Variants in PRKG1 observed in about 807,000 individuals in gnomAD.
The protein encoded by PRKG1 is cGMP-dependent protein kinase 1.
A neutral mutation model predicts 88.1 loss-of-function variants in PRKG1; 35 were observed. The ratio of observed to expected loss-of-function variants is 0.40; its 90% CI spans 0.30 to 0.53. The LOEUF is 0.53. Ranked by LOEUF, PRKG1 falls within the 20% of genes least tolerant of loss-of-function variation. The pLI is 0.59. For missense variants in PRKG1, 540 were observed against 839.8 expected, an observed-to-expected ratio of 0.64 and a Z score of 4.41; for synonymous variants, 303 against 292.5, an observed-to-expected ratio of 1.04 and a Z score of -0.37.
At chr10:51,737,741 A>ATTTT (rs869170037) in intron 3 of PRKG1, among the ~76,000 whole-genome samples, 1 of 93,256 alleles carries the variant, frequency 1.1e-5, no homozygotes, top group East Asian at 3.6e-4. Context: ...TTATTTATTA[A>ATTTT]TTATTATTAT....
At chr10:51,335,559 T>A (rs1841855316) in intron 2 of PRKG1, among the ~76,000 whole-genome samples, 1 of 152,120 alleles carries the variant, frequency 6.6e-6, no homozygotes, top group African/African-American at 2.4e-5. Context: ...TGAGATAAAG[T>A]CTTGCTCTGT....
intron 7 of PRKG1, among the ~76,000 whole-genome samples, chr10:52,068,006 C>T (rs1846397746): frequency 9.2e-6 from 1 of 108,706 alleles, no homozygotes; most frequent in Admixed American, 9.9e-5. Context: ...AGATCGAGAC[C>T]ATCCTGGCTA....
At chr10:51,165,073 A>G (rs1846496857) in intron 2 of PRKG1, among the ~76,000 whole-genome samples, 1 of 152,164 alleles carries the variant, frequency 6.6e-6, no homozygotes, top group Non-Finnish European at 1.5e-5. Context: ...CCTCGAGAAG[A>G]GCAACTCCAA....
intron 2 of PRKG1, among the ~76,000 whole-genome samples, chr10:51,452,332 A>G (rs1839460226): frequency 6.6e-6 from 1 of 151,920 alleles, no homozygotes; most frequent in African/African-American, 2.4e-5. Context: ...ACTATATTGA[A>G]TAGAAGTAGT....
intron 2 of PRKG1, among the ~76,000 whole-genome samples, chr10:51,227,471 T>G (rs1166509061): frequency 6.6e-6 from 1 of 152,146 alleles, no homozygotes; most frequent in Admixed American, 6.6e-5. Context: ...TTATTATTCT[T>G]GTTTGGATAT....
At chr10:51,999,641 A>C (rs1402924377) in intron 5 of PRKG1, among the ~76,000 whole-genome samples, 5 of 152,140 alleles carry the variant, frequency 3.3e-5, no homozygotes, top group Non-Finnish European at 7.4e-5. Flanking sequence ...CCATGGATAC[A>C]TAATTCTTTT....
At chr10:51,826,457 T>C (rs1445327614) in intron 4 of PRKG1, among the ~76,000 whole-genome samples, 2 of 152,176 alleles carry the variant, frequency 1.3e-5, no homozygotes, top group Non-Finnish European at 2.9e-5. Flanking sequence ...ATTGAGGAAG[T>C]GCTGGAGGAC....
chr10:51,392,270 A>G (rs930054469), intron 2 of PRKG1, among the ~76,000 whole-genome samples: 19 of 151,874 alleles, frequency 1.3e-4, no homozygotes, highest in Admixed American at 2.6e-4. Context: ...TAGGCAGAGG[A>G]CCCTGCGGCC....
At chr10:52,264,162 A>C (rs771053445) in intron 10 of PRKG1, among the ~76,000 whole-genome samples, 9 of 109,392 alleles carry the variant, frequency 8.2e-5, no homozygotes, top group Non-Finnish European at 1.3e-4. Context: ...AGTGTCCTAC[A>C]GGGCTGTGAA....
chr10:52,086,371 A>G (rs1018057875), intron 7 of PRKG1, among the ~76,000 whole-genome samples: 1 of 150,670 alleles, frequency 6.6e-6, no homozygotes, highest in Admixed American at 6.7e-5. Context: ...TATTTTTCTC[A>G]GTATATTTTA....
intron 2 of PRKG1, among the ~76,000 whole-genome samples, chr10:51,467,264 T>C (rs1839928586): frequency 6.6e-6 from 1 of 151,966 alleles, no homozygotes; most frequent in Non-Finnish European, 1.5e-5. Context: ...AATAAAAAGA[T>C]ACCATGAGCA....
chr10:51,128,861 T>A (rs970683783), intron 1 of PRKG1, among the ~76,000 whole-genome samples: 1 of 152,150 alleles, frequency 6.6e-6, no homozygotes, highest in Non-Finnish European at 1.5e-5. Flanking sequence ...AACCATCGAT[T>A]TGGCAACAAA....
intron 2 of PRKG1, among the ~76,000 whole-genome samples, chr10:51,199,343 C>G: frequency 6.6e-6 from 1 of 152,180 alleles, no homozygotes; most frequent in East Asian, 1.9e-4. Context: ...ATCCCTTTAA[C>G]TGCTCTTATG....
intron 3 of PRKG1, among the ~76,000 whole-genome samples, chr10:51,477,326 G>A (rs1840225697): frequency 6.7e-6 from 1 of 150,172 alleles, no homozygotes; most frequent in African/African-American, 2.5e-5. Context: ...TGGCAAACTA[G>A]ATCGAGACAA....
At chr10:51,222,155 G>T (rs1838558009) in intron 2 of PRKG1, among the ~76,000 whole-genome samples, 1 of 145,892 alleles carries the variant, frequency 6.9e-6, no homozygotes. Context: ...CAAAGTGTTG[G>T]GATTACAGGC....
At chr10:51,282,276 C>T (rs1355004351) in intron 2 of PRKG1, among the ~76,000 whole-genome samples, 2 of 152,020 alleles carry the variant, frequency 1.3e-5, no homozygotes, top group Non-Finnish European at 1.5e-5. Context: ...AGAATTTTGT[C>T]CCATTGAGCC....
At chr10:51,152,449 G>A (rs1421340457) in intron 1 of PRKG1, among the ~76,000 whole-genome samples, 1 of 151,996 alleles carries the variant, frequency 6.6e-6, no homozygotes, top group Non-Finnish European at 1.5e-5. Context: ...AGCTAAGTAG[G>A]AATCCAATTC....
At chr10:51,605,242 T>TG (rs922027469) in intron 3 of PRKG1, among the ~76,000 whole-genome samples, 8 of 152,016 alleles carry the variant, frequency 5.3e-5, no homozygotes, top group Admixed American at 1.3e-4. Flanking sequence ...GGGCACAGGA[T>TG]GGGGGGGCAT....
intron 12 of PRKG1, among the ~76,000 whole-genome samples, chr10:52,278,010 A>G (rs1841914906): frequency 6.6e-6 from 1 of 152,210 alleles, no homozygotes; most frequent in African/African-American, 2.4e-5. Context: ...GTCCTGATGT[A>G]AATGAGTAAA....
Sources: allele counts gnomAD v4.1 joint callset (sites outside exome capture counted in the v4.1 genomes callset), GRCh38; gene constraint gnomAD v4.1.1; transcripts MANE v1.5; gene names NCBI Gene and HGNC (gene_info 2026-07-23, HGNC 2026-07-21).